IQCF2: variants seen among roughly 807,000 people sequenced by gnomAD.
The protein encoded by IQCF2 is IQ motif containing F2.
In IQCF2, 6 loss-of-function variants were observed where a neutral mutation model predicts 7.0. The observed-to-expected ratio is 0.86, with a 90% CI of 0.47 to 1.70. The LOEUF (loss-of-function observed/expected upper bound fraction) is 1.70, where lower values mean the gene tolerates loss of function less well. Ranked by LOEUF, IQCF2 falls within the 40% of genes most tolerant of loss-of-function variation. The probability of loss-of-function intolerance (pLI) is 0.01; values close to 1 mark genes in which losing one functional copy is unlikely to be tolerated. For synonymous variants in IQCF2, 67 were observed against 74.0 expected (o/e 0.91, Z 0.48); for missense variants, 174 against 204.6 (o/e 0.85, Z 0.91).
chr3:51,862,840 T>C, intron 2 of IQCF2, 147 bp from the exon 3 acceptor site: 1 of 937,478 alleles, frequency 1.1e-6, no homozygotes, highest in African/African-American at 1.6e-5. Flanking sequence ...CCACCAGGTC[T>C]GATGGCTCCT....
In IQCF2 at chr3:51,861,767, G is replaced by A. The variant is rs940905706; in HGVS notation, c.18+83G>A. ...GCTTTACAGGACTTGAGAAAAGAGAGGATGTTAAAGTAGTAATTGTCTTTG... is the reference window on the plus strand; with the variant it reads ...GCTTTACAGGACTTGAGAAAAGAGAAGATGTTAAAGTAGTAATTGTCTTTG... On this transcript the variant is annotated intron_variant, in intron 1 of 2. Transcript: ENST00000333127. 2.5e-6 allele frequency: 4 copies of A among 1,575,992 alleles called. No homozygotes were observed. The East Asian group carries it at 6.7e-5, about 26-fold the overall frequency.
chr3:51,863,175 G>A lies in IQCF2; in HGVS notation c.300G>A (p.Glu100=). ...QAALIAYATR[E]RAVIKLQSLV... The stretch of plus-strand genomic sequence containing the variant: ...CTCTGATCGCCTACGCAACCAGAGA[G>A]AGGGCAGTGATCAAGCTCCAGTCTT... The change falls in exon 3 of 3, where the codon GAG becomes GAA. Residue 100 remains glutamate, a synonymous_variant. Coordinates refer to ENST00000333127, the MANE Select transcript of IQCF2 (RefSeq NM_203424.2). 6.2e-7 allele frequency: 1 copy of A among 1,614,232 alleles called. No individual in the cohort carries two copies. The highest frequency in any genetic ancestry group is 1.6e-4 in the Middle Eastern group (1 of 6,062).
rs757511894 is a variant in IQCF2, at chr3:51,863,141, G to C, written c.266G>C (p.Arg89Pro). ...MTLSRVLEKK[R>P]QAALIAYATR... is the part of the protein sequence containing the mutation. ...CTGTCGAGGGTGCTGGAGAAGAAAC[G>C]GCAGGCAGCTCTGATCGCCTACGCA... The change falls in exon 3 of 3, where the codon CGG becomes CCG. Residue 89 changes from arginine (R) to proline (P), a missense_variant. Physicochemically the swap from Arg to Pro is moderately radical, Grantham distance 103. Coordinates refer to ENST00000333127, the MANE Select transcript of IQCF2 (RefSeq NM_203424.2). The C allele has an allele frequency of 3.1e-6, 5 of 1,614,196 alleles. No homozygotes were observed. The highest frequency in any genetic ancestry group is 3.4e-6 in the Non-Finnish European group (4 of 1,180,036).
chr3:51,861,866 C>T lies in IQCF2; in HGVS notation c.27C>T (p.Gly9=), dbSNP rs1235660315. Residue 9 remains glycine (G), a synonymous_variant, in exon 2 of 3, where the codon GGC becomes GGT. Transcript: ENST00000333127. ...TTTAATTCTGATGACAGACCAAAGG[C>T]AATTTAATTTTGGTTATAATTGAGG... MRVRFCTK[G]NLILVIIEDV... is the part of the protein sequence containing the mutation. 2.5e-6 allele frequency: 4 copies of T among 1,612,764 alleles called. No individual in the cohort carries two copies. Among genetic ancestry groups the T allele is most frequent in the African/African-American group, 1.3e-5 (1 of 74,990 alleles).
intron 1 of IQCF2, 51 bp from the exon 2 acceptor site, chr3:51,861,803 TAGAG>T: frequency 6.4e-7 from 1 of 1,567,644 alleles, no homozygotes; most frequent in Non-Finnish European, 8.8e-7. Flanking sequence ...TATAGAGCCA[TAGAG>T]AGAAACAGTC....
intron 1 of IQCF2, 42 bp downstream of exon 1, chr3:51,861,726 G>A: frequency 6.2e-7 from 1 of 1,612,206 alleles, no homozygotes; most frequent in Non-Finnish European, 8.5e-7. Flanking sequence ...CCAGGAATGG[G>A]TGGGTATCTC....
chr3:51,861,932 G>T lies in IQCF2; in HGVS notation c.93G>T (p.Lys31Asn), dbSNP rs778183476. 8 of 1,612,588 alleles carry T rather than the reference G, an allele frequency of 5.0e-6. No individual in the cohort carries two copies. The South Asian group carries it at 7.7e-5, about 16-fold the overall frequency. ...ESIEWKTLQK[K>N]KQQKIKEKLR... is the part of the protein sequence containing the mutation. Reference sequence around the variant, plus strand: ...TTGAATGGAAGACATTGCAGAAGAAGAAACAGCAGAAAATCAAGGTGAGAA... The same window carrying T: ...TTGAATGGAAGACATTGCAGAAGAATAAACAGCAGAAAATCAAGGTGAGAA... The change falls in exon 2 of 3, where the codon AAG becomes AAT. Residue 31 changes from lysine (K) to asparagine (N), a missense_variant. Physicochemically the swap from Lys to Asn is moderately conservative, Grantham distance 94. Transcript: ENST00000333127.
At chr3:51,861,762 A>G (rs1698639339) in intron 1 of IQCF2, 78 bp downstream of exon 1, 6 of 1,585,174 alleles carry the variant, frequency 3.8e-6, no homozygotes, top group Non-Finnish European at 5.2e-6. Context: ...ACTTGAGAAA[A>G]GAGAGGATGT....
chr3:51,861,640 G>A lies in IQCF2; in HGVS notation c.-27G>A, dbSNP rs1698636883. 1.2e-6 allele frequency: 2 copies of A among 1,613,916 alleles called. No individual in the cohort carries two copies. The highest frequency in any genetic ancestry group is 1.1e-5 in the South Asian group (1 of 91,078). On this transcript the variant is annotated 5_prime_UTR_variant, in exon 1 of 3. Transcript: ENST00000333127. ...AGACCTTGGGAAGCAGAGAAATCAG[G>A]GCTAATGAACCATCTAAGGACAGGC...
intron 2 of IQCF2, 125 bp from the exon 3 acceptor site, chr3:51,862,862 T>G: frequency 8.2e-7 from 1 of 1,213,312 alleles, no homozygotes; most frequent in Non-Finnish European, 1.1e-6. Flanking sequence ...GTCAGTGTCC[T>G]GCTAACTTCC....
chr3:51,861,734 C>G (rs747506410), intron 1 of IQCF2, 50 bp downstream of exon 1: 16 of 1,607,728 alleles, frequency 1.0e-5, no homozygotes, highest in Non-Finnish European at 1.4e-5. Context: ...GGGTGGGTAT[C>G]TCCCTGGGCT....
In IQCF2 at chr3:51,861,691, G is replaced by A. The variant is rs749394691; in HGVS notation, c.18+7G>A. The A allele has an allele frequency of 2.5e-6, 4 of 1,614,062 alleles. No individual in the cohort carries two copies. In the African/African-American group the frequency reaches 5.3e-5, roughly 22 times the overall value. On this transcript the variant is annotated splice_region_variant and intron_variant, in intron 1 of 2. Coordinates refer to ENST00000333127, the MANE Select transcript of IQCF2 (RefSeq NM_203424.2). ...CATGAGGGTTCGATTTTGTGTAAGAGACATGGCCAGATCTATTAGGTGGAC... is the reference window on the plus strand; with the variant it reads ...CATGAGGGTTCGATTTTGTGTAAGAAACATGGCCAGATCTATTAGGTGGAC...
At chr3:51,862,402 C>CAAAAAAA (rs3058059) in intron 2 of IQCF2, among the ~76,000 whole-genome samples, 8 of 93,066 alleles carry the variant, frequency 8.6e-5, no homozygotes, top group Admixed American at 1.4e-4. Flanking sequence ...GACTCCTTCT[C>CAAAAAAA]AAAAAAAAAA....
rs3058059 is a variant in IQCF2 at position 51,862,402 on chromosome 3, C to CAAAAA, written c.111+468_111+472dup. Among the ~76,000 whole-genome samples, 43 of 92,454 alleles carry CAAAAA rather than the reference C, an allele frequency of 4.7e-4. 1 individual carries two copies. Among genetic ancestry groups the CAAAAA allele is most frequent in the Non-Finnish European group, 6.3e-4 (32 of 50,660 alleles). 60.7% of individuals were successfully genotyped at this position (92,454 alleles called of 152,430 possible). ...TGGGCAACAGAGCGAGACTCCTTCT[C>CAAAAA]AAAAAAAAAAAAAAAAAAAAGAATG... On this transcript the variant is annotated intron_variant, in intron 2 of 2. Coordinates refer to ENST00000333127, the MANE Select transcript of IQCF2 (RefSeq NM_203424.2).
chr3:51,862,019 T>C, intron 2 of IQCF2, 69 bp downstream of exon 2: 1 of 1,135,888 alleles, frequency 8.8e-7, no homozygotes, highest in Non-Finnish European at 1.3e-6. Flanking sequence ...GTGTAGGACT[T>C]TGCCTCTTAT....
chr3:51,862,720 C>CT (rs1254940674), intron 2 of IQCF2, among the ~76,000 whole-genome samples: 1 of 152,218 alleles, frequency 6.6e-6, no homozygotes, highest in African/African-American at 2.4e-5. Context: ...TTGCACCCTT[C>CT]TAGTTACTAA....
chr3:51,862,963 CTG>C, intron 2 of IQCF2, 22 bp from the exon 3 acceptor site: 1 of 1,572,034 alleles, frequency 6.4e-7, no homozygotes, highest in Non-Finnish European at 8.6e-7. Context: ...AGTTTTCTGA[CTG>C]ATCGCTCTTG....
chr3:51,863,017 G>C lies in IQCF2; in HGVS notation c.142G>C (p.Val48Leu), dbSNP rs201872482. The C allele has an allele frequency of 5.0e-6, 8 of 1,612,374 alleles. No homozygotes were observed. The East Asian group carries it at 1.1e-4, about 22-fold the overall frequency. The change falls in exon 3 of 3, where the codon GTA becomes CTA. Residue 48 changes from valine to leucine, a missense_variant. Physicochemically the swap from Val to Leu is conservative, Grantham distance 32. Coordinates refer to ENST00000333127, the MANE Select transcript of IQCF2 (RefSeq NM_203424.2). ...ACTTAGAATAAGAACAAAAGCAGCT[G>C]TAAAGATCCAGGCCTGGTGGCGGGG... ...EKLRIRTKAA[V>L]KIQAWWRGTL...
At position 51,863,118 on chromosome 3, in the gene IQCF2, G is replaced by T. The variant is rs776639739; in HGVS notation, c.243G>T (p.Leu81=). ...WIIQCWWRMT[L]SRVLEKKRQA... ...TTCAGTGCTGGTGGCGGATGACGCT[G>T]TCGAGGGTGCTGGAGAAGAAACGGC... Residue 81 remains leucine (L), a synonymous_variant, in exon 3 of 3, where the codon CTG becomes CTT. Transcript: ENST00000333127. 1 of 1,614,276 alleles carries T rather than the reference G, an allele frequency of 6.2e-7. No individual in the cohort carries two copies. Among genetic ancestry groups the T allele is most frequent in the Non-Finnish European group, 8.5e-7 (1 of 1,180,050 alleles).
Sources: gnomAD v4.1 joint callset for allele counts (sites outside exome capture counted in the v4.1 genomes callset) on GRCh38, gnomAD v4.1.1 for gene constraint, MANE v1.5 for transcripts, NCBI Gene and HGNC (gene_info 2026-07-23, HGNC 2026-07-21) for gene names.